Variants in PATJ observed in about 807,000 individuals in gnomAD.
PATJ encodes the protein inaD-like protein.
A neutral mutation model predicts 224.9 loss-of-function variants in PATJ; 190 were observed. That is an observed-to-expected ratio of 0.84 (90% CI 0.75 to 0.95). PATJ has a LOEUF of 0.95. Ranked by LOEUF, PATJ falls within the 40% of genes least tolerant of loss-of-function variation. PATJ has a pLI of 0.00. For missense variants in PATJ, 2,121 were observed against 2,270.3 expected (o/e 0.93, Z 1.34); for synonymous variants, 769 against 820.3 (o/e 0.94, Z 1.07).
chr1:61,814,547 T>TGTGTGTGC (rs370488022), intron 14 of PATJ, among the ~76,000 whole-genome samples: 3,777 of 142,490 alleles, frequency 0.027, 74 homozygotes, highest in Admixed American at 0.073. Context: ...TGTGTGTGTG[T>TGTGTGTGC]GCGCGCGCGC....
chr1:61,827,640 C>G (rs1005225671), intron 16 of PATJ, 57 bp downstream of exon 16: 4 of 1,520,588 alleles, frequency 2.6e-6, no homozygotes, highest in Admixed American at 1.8e-5. Context: ...AAAGATGCCC[C>G]GAAGACTGTG....
chr1:62,146,574 G>C lies in PATJ; in HGVS notation c.5272-1710G>C, dbSNP rs552227168. On this transcript the variant is annotated intron_variant, in intron 41 of 43. Transcript: ENST00000642238. ...GCAGATCACCTCAGGTCAGAAGTTC[G>C]AGACCAGTCTGACCAACATGGAGAA... is the stretch of plus-strand genomic sequence containing the variant. Among the ~76,000 whole-genome samples the C allele has an allele frequency of 2.0e-5, 3 of 152,154 alleles. No individual in the cohort carries two copies. The East Asian group carries it at 5.8e-4, about 30-fold the overall frequency.
rs1377132696 is a variant in PATJ at position 61,859,680 on chromosome 1, C to A, written c.2323-1871C>A. Among the ~76,000 whole-genome samples, 4 of 152,040 alleles carry A rather than the reference C, an allele frequency of 2.6e-5. No homozygotes were observed. The South Asian group carries it at 8.3e-4, about 32-fold the overall frequency. ...GTTGCCCAGGCTGGAGTGCAAATGG[C>A]GTGATCTCAGCTCACCGCAACCTCC... On this transcript the variant is annotated intron_variant, in intron 18 of 43. Coordinates refer to ENST00000642238, the MANE Select transcript of PATJ (RefSeq NM_001350145.3).
chr1:61,823,106 C>G, intron 15 of PATJ, 27 bp downstream of exon 15: 2 of 1,612,510 alleles, frequency 1.2e-6, no homozygotes, highest in East Asian at 2.2e-5. Context: ...AAGAAAGACA[C>G]AGGCAAGAAT....
chr1:62,071,490 C>CTT (rs747065507), intron 31 of PATJ, among the ~76,000 whole-genome samples: 16,666 of 117,636 alleles, frequency 0.14, 1,920 homozygotes, highest in South Asian at 0.3. Flanking sequence ...TTGTAGATCA[C>CTT]TTTTTTTTTT....
At chr1:62,010,078 CAAAAAAAAAAA>C (rs34658070) in intron 28 of PATJ, among the ~76,000 whole-genome samples, 2 of 84,272 alleles carry the variant, frequency 2.4e-5, no homozygotes, top group Admixed American at 1.5e-4. Context: ...GACTCCATCT[CAAAAAAAAAAA>C]AAAAAAAGAA....
At chr1:61,896,580 A>T (rs1309841582) in intron 22 of PATJ, among the ~76,000 whole-genome samples, 1 of 152,138 alleles carries the variant, frequency 6.6e-6, no homozygotes, top group African/African-American at 2.4e-5. Flanking sequence ...GGATGGCATG[A>T]TTGCTTATAA....
intron 16 of PATJ, chr1:61,833,394 T>G (rs1020592947): frequency 1.8e-5 from 5 of 275,942 alleles, no homozygotes; most frequent in Non-Finnish European, 3.4e-5. Context: ...GTTAATACTT[T>G]GAATGAAATA....
chr1:62,144,771 A>T (rs1274865591), intron 41 of PATJ, among the ~76,000 whole-genome samples: 1,084 of 72,510 alleles, frequency 0.015, 51 homozygotes, highest in African/African-American at 0.054. Context: ...ATTTGCAAAA[A>T]AAAAAAATAT....
intron 28 of PATJ, among the ~76,000 whole-genome samples, chr1:62,011,467 A>C (rs1646445430): frequency 6.6e-6 from 1 of 152,208 alleles, no homozygotes; most frequent in Non-Finnish European, 1.5e-5. Context: ...ATCAGAACAC[A>C]CAATTATGTG....
intron 27 of PATJ, among the ~76,000 whole-genome samples, chr1:61,965,062 A>G (rs1681893900): frequency 7.7e-6 from 1 of 130,100 alleles, no homozygotes. Flanking sequence ...CAGTGACGTG[A>G]GCTGAGCTGA....
intron 23 of PATJ, 90 bp from the exon 24 acceptor site, chr1:61,901,192 G>A (rs1231135682): frequency 3.5e-5 from 22 of 628,958 alleles, no homozygotes. Context: ...TATAAAATAT[G>A]AGTCACAAGG....
At chr1:62,156,224 A>T (rs920747308) in intron 43 of PATJ, among the ~76,000 whole-genome samples, 18 of 149,672 alleles carry the variant, frequency 1.2e-4, no homozygotes, top group Non-Finnish European at 1.9e-4. Context: ...AAATAAAAAA[A>T]TTTTTTTTTA....
At chr1:61,896,456 G>GT (rs1670381628) in intron 22 of PATJ, among the ~76,000 whole-genome samples, 1 of 152,066 alleles carries the variant, frequency 6.6e-6, no homozygotes, top group Admixed American at 6.6e-5. Context: ...TAACTAACTT[G>GT]TTTTTGATTT....
chr1:62,057,901 T>C (rs948268106), intron 31 of PATJ, among the ~76,000 whole-genome samples: 1 of 152,190 alleles, frequency 6.6e-6, no homozygotes, highest in Non-Finnish European at 1.5e-5. Context: ...ACTTCCCTCA[T>C]TTTGTACAAC....
At chr1:62,075,850 A>G (rs566693729) in intron 31 of PATJ, among the ~76,000 whole-genome samples, 30 of 151,934 alleles carry the variant, frequency 2.0e-4, no homozygotes, top group African/African-American at 6.5e-4. Flanking sequence ...CCCGAGAGGC[A>G]GAGCTTGCAG....
intron 27 of PATJ, among the ~76,000 whole-genome samples, chr1:61,972,384 A>G (rs1471252290): frequency 6.6e-6 from 1 of 152,022 alleles, no homozygotes; most frequent in African/African-American, 2.4e-5. Context: ...TGTATTAAAC[A>G]ATTTATAATA....
intron 26 of PATJ, among the ~76,000 whole-genome samples, chr1:61,915,499 T>C (rs1465746760): frequency 6.6e-6 from 1 of 152,128 alleles, no homozygotes; most frequent in South Asian, 2.1e-4. Flanking sequence ...ATTTTCCATA[T>C]CCATTTAGAA....
chr1:62,137,075 C>T (rs532627183), intron 41 of PATJ, among the ~76,000 whole-genome samples: 10 of 152,066 alleles, frequency 6.6e-5, no homozygotes, highest in Admixed American at 3.3e-4. Flanking sequence ...AAGAAAGATA[C>T]TCAACCTAGG....
Sources: gnomAD v4.1 joint callset for allele counts (sites outside exome capture counted in the v4.1 genomes callset) on GRCh38, gnomAD v4.1.1 for gene constraint, MANE v1.5 for transcripts, NCBI Gene and HGNC (gene_info 2026-07-23, HGNC 2026-07-21) for gene names.